Variants in LNX1 observed in about 807,000 individuals in gnomAD.
The protein encoded by LNX1 is ligand of numb-protein X 1, also known as E3 ubiquitin-protein ligase LNX.
A neutral mutation model predicts 68.4 loss-of-function variants in LNX1; 54 were observed. The observed-to-expected ratio is 0.79, with a 90% CI of 0.63 to 0.99. The LOEUF (loss-of-function observed/expected upper bound fraction) is 0.99. LNX1 is among the 50% of genes least tolerant of loss of function. The probability of loss-of-function intolerance (pLI) is 0.00; values close to 1 mark genes in which losing one functional copy is unlikely to be tolerated. For missense variants in LNX1, 906 were observed against 926.4 expected, an observed-to-expected ratio of 0.98 and a Z score of 0.29; for synonymous variants, 336 against 350.0, an observed-to-expected ratio of 0.96 and a Z score of 0.45.
intron 2 of LNX1, among the ~76,000 whole-genome samples, chr4:53,570,503 G>A (rs1391671854): frequency 2.4e-5 from 3 of 126,466 alleles, no homozygotes; most frequent in Non-Finnish European, 4.9e-5. Flanking sequence ...ATCACACTCT[G>A]GGGACTGTTG....
intron 2 of LNX1, among the ~76,000 whole-genome samples, chr4:53,570,664 T>TAATAAATAAATAAATA (rs200529974): frequency 8.4e-5 from 12 of 143,688 alleles, no homozygotes; most frequent in East Asian, 2.0e-4. Flanking sequence ...TAAAGTATAA[T>TAATAAATAAATAAATA]AATAAATAAA....
intron 1 of LNX1, among the ~76,000 whole-genome samples, chr4:53,632,921 C>T (rs1037228140): frequency 1.3e-5 from 2 of 152,196 alleles, no homozygotes; most frequent in Admixed American, 1.3e-4. Context: ...TACACTTCCT[C>T]AAGATATATC....
intron 2 of LNX1, among the ~76,000 whole-genome samples, chr4:53,568,599 C>CACAAGACAGGGGGGA (rs1730893210): frequency 6.6e-6 from 1 of 151,470 alleles, no homozygotes; most frequent in Non-Finnish European, 1.5e-5. Flanking sequence ...GACAGGGGGG[C>CACAAGACAGGGGGGA]ACAAGACAGG....
At chr4:53,632,953 T>C (rs1734331627) in intron 1 of LNX1, among the ~76,000 whole-genome samples, 1 of 152,270 alleles carries the variant, frequency 6.6e-6, no homozygotes, top group Non-Finnish European at 1.5e-5. Flanking sequence ...AATCCTTTTG[T>C]AGGTTCTACT....
chr4:53,536,627 G>T (rs112637890), intron 2 of LNX1, among the ~76,000 whole-genome samples: 1 of 152,116 alleles, frequency 6.6e-6, no homozygotes, highest in South Asian at 2.1e-4. Context: ...TTTCCATATT[G>T]CTTCTTCATA....
At chr4:53,576,149 G>T in intron 1 of LNX1, 1 of 1,565,692 alleles carries the variant, frequency 6.4e-7, no homozygotes, top group Non-Finnish European at 8.6e-7. Context: ...CAGCAGCAGG[G>T]GGCCTGGCTG....
At chr4:53,557,590 C>T (rs1254100019) in intron 2 of LNX1, among the ~76,000 whole-genome samples, 1 of 151,366 alleles carries the variant, frequency 6.6e-6, no homozygotes, top group African/African-American at 2.4e-5. Flanking sequence ...AGAGAAGTTA[C>T]ATCTATTGAG....
intron 2 of LNX1, among the ~76,000 whole-genome samples, chr4:53,514,600 G>T (rs1726612738): frequency 6.6e-6 from 1 of 152,082 alleles, no homozygotes; most frequent in South Asian, 2.1e-4. Context: ...TCTCCAACCG[G>T]GTCCCTCCCA....
At chr4:53,494,236 C>T (rs1389086284) in intron 6 of LNX1, among the ~76,000 whole-genome samples, 1 of 152,264 alleles carries the variant, frequency 6.6e-6, no homozygotes, top group African/African-American at 2.4e-5. Flanking sequence ...AAGGTTTCCC[C>T]TTTTGCTTGA....
intron 1 of LNX1, among the ~76,000 whole-genome samples, chr4:53,627,713 T>C (rs2052846819): frequency 6.6e-6 from 1 of 152,244 alleles, no homozygotes; most frequent in Admixed American, 6.5e-5. Flanking sequence ...TGAGGATGGA[T>C]GCCATATCTG....
At chr4:53,527,493 A>G (rs1351673487) in intron 2 of LNX1, among the ~76,000 whole-genome samples, 3 of 152,220 alleles carry the variant, frequency 2.0e-5, no homozygotes, top group Non-Finnish European at 1.5e-5. Flanking sequence ...TGACTCTGTT[A>G]TTAACAAAAG....
At chr4:53,555,491 G>T (rs551392147) in intron 2 of LNX1, among the ~76,000 whole-genome samples, 1 of 152,130 alleles carries the variant, frequency 6.6e-6, no homozygotes, top group South Asian at 2.1e-4. Context: ...ACTTATAAAT[G>T]ACTTATTTCC....
chr4:53,586,739 T>TA (rs1201216362), intron 1 of LNX1, among the ~76,000 whole-genome samples: 1 of 152,206 alleles, frequency 6.6e-6, no homozygotes, highest in Admixed American at 6.5e-5. Flanking sequence ...CAGATGATTG[T>TA]AAAAACTGCA....
At chr4:53,636,873 T>A (rs1468685853) in intron 1 of LNX1, among the ~76,000 whole-genome samples, 1 of 151,878 alleles carries the variant, frequency 6.6e-6, no homozygotes, top group Non-Finnish European at 1.5e-5. Context: ...AGGGTCATGT[T>A]CTGTAGTTTA....
chr4:53,578,984 GATGTATCA>G (rs1406053744), intron 1 of LNX1, among the ~76,000 whole-genome samples: 13 of 152,122 alleles, frequency 8.5e-5, no homozygotes, highest in Admixed American at 1.3e-4. Flanking sequence ...AAACATGTAT[GATGTATCA>G]CGTTTTCAGA....
At chr4:53,479,637 TTCTA>T (rs71662232) in intron 7 of LNX1, among the ~76,000 whole-genome samples, 84,271 of 151,630 alleles carry the variant, frequency 0.56, 25,166 homozygotes, top group Non-Finnish European at 0.67. Context: ...GAGATGACTT[TTCTA>T]TCTATCTTTT....
At chr4:53,550,088 C>T (rs1729400424) in intron 2 of LNX1, among the ~76,000 whole-genome samples, 1 of 152,184 alleles carries the variant, frequency 6.6e-6, no homozygotes, top group African/African-American at 2.4e-5. Flanking sequence ...AAAATAAAAT[C>T]ATGAAACAGG....
intron 1 of LNX1, chr4:53,617,099 A>G (rs1273973155): frequency 6.6e-6 from 1 of 152,232 alleles, no homozygotes; most frequent in African/African-American, 2.4e-5. Flanking sequence ...ATAATACAAA[A>G]GCAGCATATA....
chr4:53,605,600 C>T (rs1464517571), intron 2 of LNX1, among the ~76,000 whole-genome samples: 3 of 152,178 alleles, frequency 2.0e-5, no homozygotes, highest in Non-Finnish European at 4.4e-5. Context: ...CTCACCCCCA[C>T]ACCTGGTAAC....
Sources: gnomAD v4.1 joint callset for allele counts (sites outside exome capture counted in the v4.1 genomes callset) on GRCh38, gnomAD v4.1.1 for gene constraint, MANE v1.5 for transcripts, NCBI Gene and HGNC (gene_info 2026-07-23, HGNC 2026-07-21) for gene names.